The following HAO2 variants were observed in gnomAD, a reference collection of about 807,000 sequenced individuals.
The protein encoded by HAO2 is 2-Hydroxyacid oxidase 2.
In HAO2, 42 loss-of-function variants were observed where a neutral mutation model predicts 37.4. The observed-to-expected ratio is 1.12, with a 90% CI of 0.88 to 1.45. The LOEUF (loss-of-function observed/expected upper bound fraction) is 1.45, where lower values mean the gene tolerates loss of function less well. HAO2 is among the 40% of genes most tolerant of loss of function. The probability of loss-of-function intolerance (pLI) is 0.00; values close to 1 mark genes in which losing one functional copy is unlikely to be tolerated. For synonymous variants in HAO2, 180 were observed against 162.8 expected, an observed-to-expected ratio of 1.11 and a Z score of -0.81; for missense variants, 476 against 430.2, an observed-to-expected ratio of 1.11 and a Z score of -0.94.
At chr1:119,392,996 C>T (rs587685779) in intron 7 of HAO2, among the ~76,000 whole-genome samples, 18 of 152,246 alleles carry the variant, frequency 1.2e-4, no homozygotes, top group African/African-American at 3.9e-4. Context: ...CTCCAGTCAA[C>T]CCAGGCATGA....
At chr1:119,382,121 A>G (rs1040657999) in intron 2 of HAO2, among the ~76,000 whole-genome samples, 1 of 152,194 alleles carries the variant, frequency 6.6e-6, no homozygotes, top group African/African-American at 2.4e-5. Context: ...GCACTATACG[A>G]GGCACCTTAC....
At position 119,393,792 on chromosome 1, in the gene HAO2, G is replaced by A. The variant is rs780289703; in HGVS notation, c.1008G>A (p.Arg336=). Residue 336 remains arginine (R), a synonymous_variant, in exon 8 of 8, where the codon CGG becomes CGA. Coordinates refer to ENST00000325945, the MANE Select transcript of HAO2 (RefSeq NM_016527.4). ...FHTSMALTGC[R]SVAEINRNLV... ...ACCACATTGTTCTTTTAGGCTGCCG[G>A]TCGGTCGCTGAGATCAATCGAAACT... The A allele has an allele frequency of 2.5e-6, 4 of 1,613,080 alleles. No homozygotes were observed. The African/African-American group carries it at 5.3e-5, about 22-fold the overall frequency.
Position 119,384,947 on chromosome 1 carries a change from C to T in HAO2, c.455C>T (p.Ala152Val). The change falls in exon 4 of 8, where the codon GCT becomes GTT. Residue 152 changes from alanine to valine, a missense_variant. Transcript: ENST00000325945. The stretch of plus-strand genomic sequence containing the variant: ...AGGGTAGAATCCCTAGGTTTCAAAG[C>T]TTTGGTAATAACTTTGGATACACCT... The part of the protein sequence containing the change: ...IQRVESLGFK[A>V]LVITLDTPVC... 1.2e-6 allele frequency: 2 copies of T among 1,613,544 alleles called. No homozygotes were observed. The highest frequency in any genetic ancestry group is 8.5e-7 in the Non-Finnish European group (1 of 1,179,502).
intron 5 of HAO2, among the ~76,000 whole-genome samples, chr1:119,388,449 A>T (rs1650565142): frequency 6.6e-6 from 1 of 152,200 alleles, no homozygotes; most frequent in Non-Finnish European, 1.5e-5. Flanking sequence ...CCACTAGAGA[A>T]TGAGTATTGG....
At chr1:119,371,466 T>C (rs1433142424) in intron 1 of HAO2, among the ~76,000 whole-genome samples, 1 of 152,190 alleles carries the variant, frequency 6.6e-6, no homozygotes, top group Non-Finnish European at 1.5e-5. Flanking sequence ...TGAGTTATGA[T>C]TTTTTGAGGG....
intron 2 of HAO2, among the ~76,000 whole-genome samples, chr1:119,381,739 G>A (rs772082628): frequency 2.0e-5 from 3 of 152,120 alleles, no homozygotes; most frequent in African/African-American, 2.4e-5. Context: ...AGGCTGACCC[G>A]CCACTTATTT....
chr1:119,392,073 TAGAA>T, intron 5 of HAO2, 33 bp from the exon 6 acceptor site: 1 of 1,566,950 alleles, frequency 6.4e-7, no homozygotes, highest in Non-Finnish European at 8.7e-7. Context: ...AGAGTCAAAA[TAGAA>T]AGCCCTCCAG....
chr1:119,380,929 G>A, intron 1 of HAO2, 149 bp from the exon 2 acceptor site: 2 of 765,230 alleles, frequency 2.6e-6, no homozygotes, highest in South Asian at 1.7e-5. Flanking sequence ...AGGGATCACT[G>A]GCTTTAGCAA....
chr1:119,379,927 G>A (rs1435694567), intron 1 of HAO2, among the ~76,000 whole-genome samples: 1 of 152,118 alleles, frequency 6.6e-6, no homozygotes, highest in Non-Finnish European at 1.5e-5. Context: ...ATCTCATCTG[G>A]CCTCTGTGTC....
At chr1:119,381,782 A>G (rs1354254757) in intron 2 of HAO2, among the ~76,000 whole-genome samples, 1 of 152,182 alleles carries the variant, frequency 6.6e-6, no homozygotes, top group Non-Finnish European at 1.5e-5. Context: ...ATGGTTTTTC[A>G]TTTTTGAATG....
At chr1:119,386,911 CTG>C (rs1382258714) in intron 5 of HAO2, 80 bp downstream of exon 5, 3 of 854,320 alleles carry the variant, frequency 3.5e-6, no homozygotes, top group African/African-American at 3.3e-5. Flanking sequence ...TCAAGGGACT[CTG>C]TGAAATCTGA....
rs762046589 is a variant in HAO2 at position 119,386,822 on chromosome 1, T to C, written c.762T>C (p.Val254=). 6.2e-7 allele frequency: 1 copy of C among 1,607,072 alleles called. No homozygotes were observed. Among genetic ancestry groups the C allele is most frequent in the South Asian group, 1.1e-5 (1 of 90,940 alleles). ...SNHGGRQLDE[V]LASIDALTEV... is the part of the protein sequence containing the mutation. ...ATGGTGGGAGGCAGCTTGATGAGGT[T>C]CTTGCTTCAGTAAGTAGGATTACTT... Residue 254 remains valine (V), a synonymous_variant, in exon 5 of 8, where the codon GTT becomes GTC. Transcript: ENST00000325945.
rs1201631414 is a variant in HAO2 at position 119,393,896 on chromosome 1, C to G, written c.*56C>G. On this transcript the variant is annotated 3_prime_UTR_variant, in exon 8 of 8. Coordinates refer to ENST00000325945, the MANE Select transcript of HAO2 (RefSeq NM_016527.4). Reference sequence around the variant, plus strand: ...GTTGCCCACAGGAGGATCACAAACTCACAGCACAGTGTGTGATGCTGTCCT... The same window carrying G: ...GTTGCCCACAGGAGGATCACAAACTGACAGCACAGTGTGTGATGCTGTCCT... 12 of 1,610,354 alleles carry G rather than the reference C, an allele frequency of 7.5e-6. No individual in the cohort carries two copies. Among genetic ancestry groups the G allele is most frequent in the Admixed American group, 3.3e-5 (2 of 59,906 alleles).
In HAO2 at chr1:119,392,657, A is replaced by C. The variant is rs200829935; in HGVS notation, c.970A>C (p.Asn324His). 6.2e-7 allele frequency: 1 copy of C among 1,609,364 alleles called. No individual in the cohort carries two copies. The highest frequency in any genetic ancestry group is 8.5e-7 in the Non-Finnish European group (1 of 1,175,762). ...TAAGGAAGTTTTGAACATTTTAACA[A>C]ATGAGTTCCACACTTCCATGGCCCT... ...GVKEVLNILT[N>H]EFHTSMALTG... The change falls in exon 7 of 8, where the codon AAT becomes CAT. Residue 324 changes from asparagine (N) to histidine (H), a missense_variant. Transcript: ENST00000325945.
Position 119,392,697 on chromosome 1 carries a change from C to T in HAO2, c.1000+10C>T, listed in dbSNP as rs370068717. 17 of 1,543,640 alleles carry T rather than the reference C, an allele frequency of 1.1e-5. No individual in the cohort carries two copies. In the African/African-American group the frequency reaches 1.8e-4, roughly 16 times the overall value. Reference sequence around the variant, plus strand: ...TCCATGGCCCTTACAGGTAAGTTAACATGTTTTCCCTGATTTGGAACTTAA... The same window carrying T: ...TCCATGGCCCTTACAGGTAAGTTAATATGTTTTCCCTGATTTGGAACTTAA... On this transcript the variant is annotated intron_variant, in intron 7 of 7. Transcript: ENST00000325945.
chr1:119,383,549 A>G (rs1362150588), intron 3 of HAO2, among the ~76,000 whole-genome samples: 1 of 152,114 alleles, frequency 6.6e-6, no homozygotes, highest in Non-Finnish European at 1.5e-5. Flanking sequence ...CTTCTCTTCA[A>G]TTGACCTTGT....
At chr1:119,379,844 C>T (rs1372448644) in intron 1 of HAO2, among the ~76,000 whole-genome samples, 2 of 152,122 alleles carry the variant, frequency 1.3e-5, no homozygotes, top group Admixed American at 1.3e-4. Flanking sequence ...TTGACAGATC[C>T]TGGCTTGACT....
intron 2 of HAO2, among the ~76,000 whole-genome samples, chr1:119,382,334 T>A (rs952260871): frequency 2.0e-5 from 3 of 152,218 alleles, no homozygotes; most frequent in African/African-American, 7.2e-5. Context: ...ATGCATTTAT[T>A]TAAAAAGTGT....
intron 2 of HAO2, among the ~76,000 whole-genome samples, chr1:119,382,703 G>A (rs1330828709): frequency 6.6e-6 from 1 of 152,150 alleles, no homozygotes; most frequent in Admixed American, 6.5e-5. Flanking sequence ...TGGGAAATGG[G>A]GAATGAGGTG....
Sources: gnomAD v4.1 joint callset for allele counts (sites outside exome capture counted in the v4.1 genomes callset) on GRCh38, gnomAD v4.1.1 for gene constraint, MANE v1.5 for transcripts, NCBI Gene and HGNC (gene_info 2026-07-23, HGNC 2026-07-21) for gene names.